The following PKNOX1 variants were observed in gnomAD, a reference collection of about 807,000 sequenced individuals.
PKNOX1 encodes the protein homeobox protein PKNOX1.
In PKNOX1, 15 loss-of-function variants were observed where a neutral mutation model predicts 51.9. The ratio of observed to expected loss-of-function variants is 0.29; its 90% CI spans 0.19 to 0.45. PKNOX1 has a LOEUF of 0.45. Ranked by LOEUF, PKNOX1 falls within the 20% of genes least tolerant of loss-of-function variation. The pLI is 1.00. For synonymous variants in PKNOX1, 219 were observed against 211.1 expected (o/e 1.04, Z -0.32); for missense variants, 462 against 547.5 (o/e 0.84, Z 1.56).
intron 1 of PKNOX1, among the ~76,000 whole-genome samples, chr21:42,984,934 G>T (rs1367669319): frequency 6.6e-6 from 1 of 151,360 alleles, no homozygotes; most frequent in East Asian, 1.9e-4. Context: ...ATGGGAAAGG[G>T]GTCCTTGCCT....
At chr21:43,022,092 A>T (rs1408417634) in intron 8 of PKNOX1, among the ~76,000 whole-genome samples, 1 of 152,114 alleles carries the variant, frequency 6.6e-6, no homozygotes, top group Admixed American at 6.5e-5. Context: ...CTCTCCTGGG[A>T]CAAGCACAGG....
chr21:43,001,365 C>T (rs1280218352), intron 1 of PKNOX1, among the ~76,000 whole-genome samples: 2 of 152,226 alleles, frequency 1.3e-5, no homozygotes, highest in Non-Finnish European at 2.9e-5. Flanking sequence ...TCACAGCCTT[C>T]TCCCTGCAGG....
At chr21:42,987,779 T>C (rs139770027) in intron 1 of PKNOX1, among the ~76,000 whole-genome samples, 4 of 151,414 alleles carry the variant, frequency 2.6e-5, no homozygotes, top group African/African-American at 9.7e-5. Flanking sequence ...CCACCACACC[T>C]GGCTAATTTT....
intron 1 of PKNOX1, among the ~76,000 whole-genome samples, chr21:42,999,371 T>C (rs1978645674): frequency 6.6e-6 from 1 of 152,264 alleles, no homozygotes; most frequent in African/African-American, 2.4e-5. Flanking sequence ...ACTTCTGAAA[T>C]GCCCTGGAGA....
chr21:42,984,683 C>T (rs1328911160), intron 1 of PKNOX1, among the ~76,000 whole-genome samples: 10 of 152,000 alleles, frequency 6.6e-5, no homozygotes, highest in Admixed American at 3.3e-4. Context: ...CCACCATGCC[C>T]GGCCAGTTCC....
intron 1 of PKNOX1, among the ~76,000 whole-genome samples, chr21:42,977,150 C>T (rs965569127): frequency 1.3e-5 from 2 of 152,146 alleles, no homozygotes; most frequent in Non-Finnish European, 2.9e-5. Flanking sequence ...ATGTGTTATT[C>T]CATTTCCAGA....
Position 43,032,338 on chromosome 21 carries a change from C to CGTCCCTCACCACCCTCCGTCTCTTT in PKNOX1, c.*2238_*2239insTCCCTCACCACCCTCCGTCTCTTTG. 7.6e-6 allele frequency: 3 copies of CGTCCCTCACCACCCTCCGTCTCTTT among 396,892 alleles called. No individual in the cohort carries two copies. The highest frequency in any genetic ancestry group is 2.8e-5 in the Admixed American group (1 of 36,078). The allele number at this position is 396,892 out of a possible 1,614,324, so 24.6% of individuals were successfully genotyped here. ...CTTCCCTCACCACCCTCCGTCTCTTCGGCTGCTTGCTCTTTAGTGTAGATT... is the reference window on the plus strand; with the variant it reads ...CTTCCCTCACCACCCTCCGTCTCTTCGTCCCTCACCACCCTCCGTCTCTTTGGCTGCTTGCTCTTTAGTGTAGATT... On this transcript the variant is annotated 3_prime_UTR_variant, in exon 11 of 11. Transcript: ENST00000291547.
rs945471103 is a variant in PKNOX1 at position 42,979,766 on chromosome 21, A to T, written c.-57+5102A>T. 5.3e-5 allele frequency among the ~76,000 whole-genome samples: 8 copies of T among 152,252 alleles called. No homozygotes were observed. In the East Asian group the frequency reaches 1.5e-3, roughly 29 times the overall value. On this transcript the variant is annotated intron_variant, in intron 1 of 10. Coordinates refer to ENST00000291547, the MANE Select transcript of PKNOX1 (RefSeq NM_004571.5). ...CAGAAAAAAAGAAAAAAGAAAAATG[A>T]GGTGCTTATAGTCTGTTGAATCTAA...
intron 4 of PKNOX1, among the ~76,000 whole-genome samples, chr21:43,010,864 AAAAAAT>A (rs1979218908): frequency 6.6e-6 from 1 of 151,946 alleles, no homozygotes; most frequent in African/African-American, 2.4e-5. Context: ...ACTCTGTCTC[AAAAAAT>A]AAAAATAAAA....
rs756805403 is a variant in PKNOX1, at chr21:43,017,005, C to T, written c.620C>T (p.Ala207Val). The change falls in exon 6 of 11, where the codon GCA becomes GTA. Residue 207 changes from alanine to valine, a missense_variant and splice_region_variant. Ala to Val is a moderately conservative substitution (Grantham distance 64). Coordinates refer to ENST00000291547, the MANE Select transcript of PKNOX1 (RefSeq NM_004571.5). The stretch of plus-strand genomic sequence containing the variant: ...GGAAACGTAGCCATGGCGACGGTGG[C>T]AGGTACGATGACAGAAAAATGGACA... ...QQGNVAMATV[A>V]GGTVYQPVTV... is the part of the protein sequence containing the mutation. 3.7e-6 allele frequency: 6 copies of T among 1,608,066 alleles called. No homozygotes were observed. The Admixed American group carries it at 6.7e-5, about 18-fold the overall frequency.
At chr21:42,994,918 CTT>C (rs11361350) in intron 1 of PKNOX1, among the ~76,000 whole-genome samples, 23,419 of 113,118 alleles carry the variant, frequency 0.21, 2,289 homozygotes, top group Non-Finnish European at 0.24. Context: ...TTTCTTTCTT[CTT>C]TTTTTTTTTT....
chr21:42,997,926 G>A (rs1211900460), intron 1 of PKNOX1, among the ~76,000 whole-genome samples: 1 of 152,178 alleles, frequency 6.6e-6, no homozygotes, highest in Non-Finnish European at 1.5e-5. Context: ...AGGGGATGCT[G>A]ATGCCTGAGG....
At chr21:43,019,551 T>C (rs1979663712) in intron 7 of PKNOX1, among the ~76,000 whole-genome samples, 1 of 152,126 alleles carries the variant, frequency 6.6e-6, no homozygotes, top group South Asian at 2.1e-4. Flanking sequence ...AGCATTACTT[T>C]TGTTTTTCTG....
At chr21:43,012,968 A>T in intron 4 of PKNOX1, 100 bp from the exon 5 acceptor site, 1 of 900,628 alleles carries the variant, frequency 1.1e-6, no homozygotes, top group Non-Finnish European at 1.7e-6. Flanking sequence ...TTGGCAGTAG[A>T]GATGGTTCTA....
chr21:42,981,244 G>A (rs2059023745), intron 1 of PKNOX1, among the ~76,000 whole-genome samples: 1 of 152,258 alleles, frequency 6.6e-6, no homozygotes, highest in Non-Finnish European at 1.5e-5. Flanking sequence ...GGGCTGAGAG[G>A]CATGGTCCTT....
intron 1 of PKNOX1, among the ~76,000 whole-genome samples, chr21:42,987,404 A>AAAAAAAAAATAT: frequency 7.2e-5 from 3 of 41,410 alleles, no homozygotes; most frequent in African/African-American, 1.9e-4. Context: ...AAAAAAAAAA[A>AAAAAAAAAATAT]ATATATATAT....
intron 2 of PKNOX1, among the ~76,000 whole-genome samples, chr21:43,007,219 C>T (rs553754161): frequency 6.6e-6 from 1 of 152,272 alleles, no homozygotes; most frequent in African/African-American, 2.4e-5. Flanking sequence ...GCACGTGTGC[C>T]GTTCTCTTCA....
At chr21:42,980,123 A>C (rs2059019284) in intron 1 of PKNOX1, among the ~76,000 whole-genome samples, 1 of 152,156 alleles carries the variant, frequency 6.6e-6, no homozygotes, top group South Asian at 2.1e-4. Context: ...CTGTAATCCT[A>C]GCGCTTTGGG....
At chr21:43,008,061 T>TCTCA (rs59792199) in intron 3 of PKNOX1, among the ~76,000 whole-genome samples, 8,504 of 146,798 alleles carry the variant, frequency 0.058, 265 homozygotes, top group Admixed American at 0.073. Context: ...CAAAACTCTG[T>TCTCA]CACACACACA....
Sources: allele counts gnomAD v4.1 joint callset (sites outside exome capture counted in the v4.1 genomes callset), GRCh38; gene constraint gnomAD v4.1.1; transcripts MANE v1.5; gene names NCBI Gene and HGNC (gene_info 2026-07-23, HGNC 2026-07-21).